USH2A: variants seen among roughly 807,000 people sequenced by gnomAD.
The protein encoded by USH2A is Usher syndrome 2A (autosomal recessive, mild).
Under a neutral mutation model 538.9 loss-of-function variants are expected in USH2A, and 443 were observed. The observed-to-expected ratio is 0.82, with a 90% CI of 0.76 to 0.89. USH2A has a LOEUF of 0.89. USH2A is among the 40% of genes least tolerant of loss of function. The pLI, the probability that USH2A is intolerant of heterozygous loss-of-function variation, is 0.00. For missense variants in USH2A, 6,633 were observed against 6,324.8 expected (o/e 1.05, Z -1.65); for synonymous variants, 2,413 against 2,273.5 (o/e 1.06, Z -1.75).
At position 215,737,304 on chromosome 1, in the gene USH2A, C is replaced by T. The variant is rs560772370; in HGVS notation, c.11711+4071G>A. 4.6e-5 allele frequency among the ~76,000 whole-genome samples: 7 copies of T among 151,910 alleles called. No homozygotes were observed. In the South Asian group the frequency reaches 1.0e-3, roughly 23 times the overall value. On this transcript the variant is annotated intron_variant, in intron 60 of 71. Transcript: ENST00000307340. ...CTTCTATTAGTGAAAATTACATATG[C>T]CATGAGTAAATCATAAGAATGAATA...
At chr1:215,852,416 C>T (rs1415151152) in intron 44 of USH2A, among the ~76,000 whole-genome samples, 1 of 152,126 alleles carries the variant, frequency 6.6e-6, no homozygotes, top group African/African-American at 2.4e-5. Context: ...ATTCTGGGAG[C>T]TAAAATTCAA....
At chr1:216,025,489 A>G (rs964912465) in intron 32 of USH2A, among the ~76,000 whole-genome samples, 23 of 152,034 alleles carry the variant, frequency 1.5e-4, no homozygotes, top group African/African-American at 5.5e-4. Flanking sequence ...TATTTACAAC[A>G]TATCTTTTAA....
intron 64 of USH2A, among the ~76,000 whole-genome samples, chr1:215,658,853 G>T (rs1657351065): frequency 6.6e-6 from 1 of 152,174 alleles, no homozygotes; most frequent in Admixed American, 6.5e-5. Flanking sequence ...ATACCCTAAT[G>T]GATATAGCAT....
intron 60 of USH2A, among the ~76,000 whole-genome samples, chr1:215,738,429 C>T (rs1460697508): frequency 6.6e-6 from 1 of 152,006 alleles, no homozygotes; most frequent in East Asian, 1.9e-4. Context: ...CAGAGGGAAT[C>T]ATATTAATAG....
At chr1:215,861,118 G>T (rs540667698) in intron 44 of USH2A, among the ~76,000 whole-genome samples, 2 of 152,088 alleles carry the variant, frequency 1.3e-5, no homozygotes, top group African/African-American at 4.8e-5. Context: ...TTAGTTTTCC[G>T]AGCAGCATAT....
rs536532546 is a variant in USH2A, at chr1:216,127,849, A to T, written c.4628-30636T>A. On this transcript the variant is annotated intron_variant, in intron 21 of 71. Transcript: ENST00000307340. ...CCTTTCCTTGGAGCCATTATAAAGC[A>T]TCAGTATGGCAGAAGAATCATTGGA... Among the ~76,000 whole-genome samples, 3 of 152,310 alleles carry T rather than the reference A, an allele frequency of 2.0e-5. No individual in the cohort carries two copies. The South Asian group carries it at 6.2e-4, about 32-fold the overall frequency.
In USH2A at chr1:216,371,892, T is replaced by C. The variant is rs55734415; in HGVS notation, c.652-6807A>G. ...CACCGTTTTCTAACAAAATGTGTCA[T>C]ACTGTGATTCTTCACATAACTTTTC... On this transcript the variant is annotated intron_variant, in intron 3 of 71. Transcript: ENST00000307340. Among the ~76,000 whole-genome samples, 910 of 152,372 alleles carry C rather than the reference T, an allele frequency of 6.0e-3. 11 individuals are homozygous for C. The highest frequency in any genetic ancestry group is 0.021 in the African/African-American group (874 of 41,598).
intron 13 of USH2A, among the ~76,000 whole-genome samples, chr1:216,235,111 A>G (rs1042785451): frequency 6.6e-6 from 1 of 152,168 alleles, no homozygotes; most frequent in Non-Finnish European, 1.5e-5. Context: ...AATGTGCCTA[A>G]TTCTAGACCA....
At position 215,743,218 on chromosome 1, in the gene USH2A, G is replaced by A. The variant is rs1553257685; in HGVS notation, c.11507C>T (p.Pro3836Leu). 6.2e-7 allele frequency: 1 copy of A among 1,612,316 alleles called. No individual in the cohort carries two copies. The highest frequency in any genetic ancestry group is 8.5e-7 in the Non-Finnish European group (1 of 1,179,384). Residue 3836 changes from proline (P) to leucine (L), a missense_variant, in exon 59 of 72, where the codon CCA becomes CTA. By Grantham distance (98) the Pro-to-Leu change is moderately conservative. Coordinates refer to ENST00000307340, the MANE Select transcript of USH2A (RefSeq NM_206933.4). ...TATCCTTATCTCATACTGTGTGAAT[G>A]GAGTCAAATTTTCCAGAAGGGTGGA... is the stretch of plus-strand genomic sequence containing the variant. ...HQSTLLENLT[P>L]FTQYEIRIQA...
chr1:215,953,590 G>T (rs1666987768), intron 37 of USH2A, among the ~76,000 whole-genome samples: 1 of 151,960 alleles, frequency 6.6e-6, no homozygotes, highest in Non-Finnish European at 1.5e-5. Context: ...TTAAATGTTA[G>T]ACCTAAAACC....
intron 4 of USH2A, among the ~76,000 whole-genome samples, chr1:216,355,324 AAAGAAAGAAAGAAAG>A (rs1357623935): frequency 3.7e-5 from 3 of 81,464 alleles, no homozygotes; most frequent in Non-Finnish European, 9.7e-5. Context: ...AGAAAGAAAG[AAAGAAAGAAAGAAAG>A]AAAGAAAGAA....
At chr1:215,894,391 A>G (rs1478740892) in intron 40 of USH2A, among the ~76,000 whole-genome samples, 1 of 152,180 alleles carries the variant, frequency 6.6e-6, no homozygotes, top group Non-Finnish European at 1.5e-5. Context: ...TCTTAAGGGC[A>G]TATGTGCACT....
At chr1:215,813,549 A>G (rs1459521392) in intron 49 of USH2A, among the ~76,000 whole-genome samples, 187 bp downstream of exon 49, 2 of 152,236 alleles carry the variant, frequency 1.3e-5, no homozygotes. Context: ...GTTTTCTAAT[A>G]TTTAGCCTTG....
chr1:216,232,325 G>A (rs2035715520), intron 13 of USH2A, among the ~76,000 whole-genome samples, 189 bp from the exon 14 acceptor site: 1 of 152,072 alleles, frequency 6.6e-6, no homozygotes, highest in Admixed American at 6.6e-5. Flanking sequence ...TATCTACATT[G>A]GACTTGGGTG....
At chr1:216,344,531 G>C (rs1388635429) in intron 4 of USH2A, among the ~76,000 whole-genome samples, 1 of 152,004 alleles carries the variant, frequency 6.6e-6, no homozygotes, top group Non-Finnish European at 1.5e-5. Context: ...TTGGGGTCTG[G>C]ATCTGGACCT....
chr1:216,394,491 T>G (rs1051890636), intron 3 of USH2A, among the ~76,000 whole-genome samples: 1 of 152,138 alleles, frequency 6.6e-6, no homozygotes, highest in Non-Finnish European at 1.5e-5. Context: ...ACCAATAGAA[T>G]TGTGCACAAA....
At chr1:215,652,774 A>G (rs554207579) in intron 64 of USH2A, among the ~76,000 whole-genome samples, 2 of 152,344 alleles carry the variant, frequency 1.3e-5, no homozygotes, top group South Asian at 4.1e-4. Flanking sequence ...TTAAAACAAT[A>G]TTCTTGACAA....
In USH2A at chr1:215,973,118, A is replaced by T. The variant is rs376385312; in HGVS notation, c.6806-2342T>A. ...AATAGTGTGTTACAGAATCTCTTAA[A>T]GAAACCATAAGACCCTTGAAATGCT... On this transcript the variant is annotated intron_variant, in intron 35 of 71. Coordinates refer to ENST00000307340, the MANE Select transcript of USH2A (RefSeq NM_206933.4). Among the ~76,000 whole-genome samples, 3 of 152,216 alleles carry T rather than the reference A, an allele frequency of 2.0e-5. No homozygotes were observed. The East Asian group carries it at 5.8e-4, about 29-fold the overall frequency.
intron 21 of USH2A, among the ~76,000 whole-genome samples, chr1:216,098,143 T>C (rs1337940563): frequency 6.6e-6 from 1 of 152,030 alleles, no homozygotes; most frequent in Admixed American, 6.6e-5. Context: ...AGTCCTACCA[T>C]TACATGGCCC....
Sources: allele counts gnomAD v4.1 joint callset (sites outside exome capture counted in the v4.1 genomes callset), GRCh38; gene constraint gnomAD v4.1.1; transcripts MANE v1.5; gene names NCBI Gene and HGNC (gene_info 2026-07-23, HGNC 2026-07-21).